Variants in GNG7 observed in about 807,000 individuals in gnomAD.
The protein encoded by GNG7 is G protein subunit gamma 7.
A neutral mutation model predicts 4.0 loss-of-function variants in GNG7; 1 was observed. The ratio of observed to expected loss-of-function variants is 0.25; its 90% CI spans 0.09 to 1.18. The LOEUF is 1.18. GNG7 is among the 50% of genes most tolerant of loss of function. The probability of loss-of-function intolerance (pLI) is 0.50; values close to 1 mark genes in which losing one functional copy is unlikely to be tolerated. For missense variants in GNG7, 86 were observed against 91.9 expected (o/e 0.94, Z 0.26); for synonymous variants, 34 against 36.9 (o/e 0.92, Z 0.29).
chr19:2,606,301 G>A (rs1278414999), intron 2 of GNG7, among the ~76,000 whole-genome samples: 1 of 152,102 alleles, frequency 6.6e-6, no homozygotes. Context: ...GAGCCCAGGA[G>A]TTGGAGGCTA....
chr19:2,519,146 C>CTTTT lies in GNG7; in HGVS notation c.81+1458_81+1461dup, dbSNP rs71178282. Among the ~76,000 whole-genome samples the CTTTT allele has an allele frequency of 5.3e-4, 45 of 84,530 alleles. 1 individual carries two copies. Among genetic ancestry groups the CTTTT allele is most frequent in the Non-Finnish European group, 6.6e-4 (30 of 45,538 alleles). 55.5% of individuals were successfully genotyped at this position (84,530 alleles called of 152,430 possible). On this transcript the variant is annotated intron_variant, in intron 4 of 4. Transcript: ENST00000382159. ...TGTGAAGGTTGTTTTTTTCTTGTTT[C>CTTTT]TTTTTTTTTTTTTTTTTTTTTTGAG...
At chr19:2,547,275 T>C (rs936886572) in intron 3 of GNG7, among the ~76,000 whole-genome samples, 1 of 151,990 alleles carries the variant, frequency 6.6e-6, no homozygotes, top group Non-Finnish European at 1.5e-5. Context: ...ATCTCACAGC[T>C]CTGGGCTCAG....
chr19:2,612,867 T>G (rs1981614146), intron 2 of GNG7, among the ~76,000 whole-genome samples: 1 of 152,036 alleles, frequency 6.6e-6, no homozygotes, highest in Non-Finnish European at 1.5e-5. Flanking sequence ...TAATTTTGTA[T>G]TTTTAGTAGA....
At chr19:2,538,961 CA>C (rs1470598715) in intron 3 of GNG7, among the ~76,000 whole-genome samples, 1 of 151,824 alleles carries the variant, frequency 6.6e-6, no homozygotes, top group Admixed American at 6.6e-5. Context: ...TTAGTAGAGA[CA>C]GGGTTTCACC....
chr19:2,521,527 C>T lies in GNG7; in HGVS notation c.-37-802G>A, dbSNP rs535373725. 1.2e-4 allele frequency among the ~76,000 whole-genome samples: 18 copies of T among 151,928 alleles called. No individual in the cohort carries two copies. The East Asian group carries it at 1.7e-3, about 15-fold the overall frequency. On this transcript the variant is annotated intron_variant, in intron 3 of 4. Coordinates refer to ENST00000382159, the MANE Select transcript of GNG7 (RefSeq NM_052847.3). ...GACGGCCCCACGCCAGGGAAGGATC[C>T]GAACGCGATATCCATAGTACCCAGG...
At position 2,626,894 on chromosome 19, in the gene GNG7, T is replaced by A. The variant is rs1982035302; in HGVS notation, c.-78+19330A>T. On this transcript the variant is annotated intron_variant, in intron 2 of 4. Coordinates refer to ENST00000382159, the MANE Select transcript of GNG7 (RefSeq NM_052847.3). The surrounding 1 kb of genome is among the most constrained non-coding windows in gnomAD (Gnocchi z 5.0). ...AGGACGGCCTCACCCCAGAGAACAG[T>A]CCAGTGTCAGTGTCCACAGTGCCCA... is the stretch of plus-strand genomic sequence containing the variant. Among the ~76,000 whole-genome samples the A allele has an allele frequency of 6.7e-6, 1 of 150,158 alleles. No homozygotes were observed. Among genetic ancestry groups the A allele is most frequent in the African/African-American group, 2.5e-5 (1 of 40,754 alleles).
At chr19:2,598,327 C>T (rs1015452492) in intron 2 of GNG7, among the ~76,000 whole-genome samples, 7 of 152,114 alleles carry the variant, frequency 4.6e-5, no homozygotes, top group Non-Finnish European at 1.0e-4. Flanking sequence ...AGTTCGAGAC[C>T]AGCCTGGCCA....
chr19:2,633,092 G>A lies in GNG7; in HGVS notation c.-78+13132C>T, dbSNP rs1982205162. ...TCCCCAGGCGGCACCGGGAGTGTCT[G>A]CGCAGAGATCCGAGGGTGTTAGCCT... On this transcript the variant is annotated intron_variant, in intron 2 of 4. Transcript: ENST00000382159. This position sits in a 1 kb window ranked among gnomAD's most constrained non-coding sequence, Gnocchi z 5.9. Among the ~76,000 whole-genome samples the A allele has an allele frequency of 1.3e-5, 2 of 152,250 alleles. No individual in the cohort carries two copies. The highest frequency in any genetic ancestry group is 2.1e-4 in the South Asian group (1 of 4,838).
rs926828031 is a variant in GNG7, at chr19:2,633,958, C to T, written c.-78+12266G>A. Among the ~76,000 whole-genome samples the T allele has an allele frequency of 6.6e-6, 1 of 151,978 alleles. No homozygotes were observed. The highest frequency in any genetic ancestry group is 2.4e-5 in the African/African-American group (1 of 41,390). On this transcript the variant is annotated intron_variant, in intron 2 of 4. Transcript: ENST00000382159. This position sits in a 1 kb window ranked among gnomAD's most constrained non-coding sequence, Gnocchi z 5.9. ...ATGTCTCCTGGGTGCAAAATTGCCC[C>T]GAGTTGAGACCCCCTGGGATAGGGG...
chr19:2,615,916 A>T (rs1432948788), intron 2 of GNG7, among the ~76,000 whole-genome samples: 1 of 152,212 alleles, frequency 6.6e-6, no homozygotes, highest in Non-Finnish European at 1.5e-5. Context: ...GACACAGTGA[A>T]GGGCCTCGGC....
intron 1 of GNG7, among the ~76,000 whole-genome samples, chr19:2,657,349 AAAAAAAAAAAAAATATATATATATATAT>A (rs1253048165): frequency 0.022 from 439 of 19,664 alleles, 51 homozygotes; most frequent in South Asian, 0.046. Context: ...AAAAAAAAAA[AAAAAAAAAAAAAATATATATATATATAT>A]ATATATATAT....
At chr19:2,565,153 C>T (rs111634606) in intron 2 of GNG7, among the ~76,000 whole-genome samples, 3,117 of 152,284 alleles carry the variant, frequency 0.02, 58 homozygotes, top group Admixed American at 0.032. Flanking sequence ...CGGGCTCAGA[C>T]TACATGGGGA....
intron 2 of GNG7, among the ~76,000 whole-genome samples, chr19:2,577,694 C>G (rs1436008993): frequency 1.7e-5 from 1 of 59,614 alleles, no homozygotes; most frequent in African/African-American, 8.3e-5. Flanking sequence ...GAGCAAGATT[C>G]CATCTCAAAA....
At chr19:2,636,556 G>C (rs1453368454) in intron 2 of GNG7, among the ~76,000 whole-genome samples, 1 of 152,126 alleles carries the variant, frequency 6.6e-6, no homozygotes, top group East Asian at 1.9e-4. Context: ...CTCTGCTCTG[G>C]AGACACCTCT....
chr19:2,523,007 G>A (rs1173386815), intron 3 of GNG7, among the ~76,000 whole-genome samples: 3 of 151,414 alleles, frequency 2.0e-5, no homozygotes, highest in Non-Finnish European at 4.4e-5. Context: ...TGGGATTACA[G>A]GTGCATGTGC....
chr19:2,698,260 A>G (rs1913317470), intron 1 of GNG7, among the ~76,000 whole-genome samples: 1 of 139,178 alleles, frequency 7.2e-6, no homozygotes, highest in Admixed American at 7.2e-5. Flanking sequence ...GAATGAGACC[A>G]TGTCTCAAAA....
intron 2 of GNG7, among the ~76,000 whole-genome samples, chr19:2,581,936 A>C (rs763880421): frequency 6.6e-6 from 1 of 152,220 alleles, no homozygotes; most frequent in Non-Finnish European, 1.5e-5. Context: ...TATAACCCTC[A>C]CTTTAAGCCA....
At chr19:2,547,080 C>CT (rs1979153881) in intron 3 of GNG7, among the ~76,000 whole-genome samples, 1 of 128,202 alleles carries the variant, frequency 7.8e-6, no homozygotes, top group African/African-American at 2.6e-5. Context: ...GCATGCCCCC[C>CT]CCCCAGAAAA....
At chr19:2,650,484 G>A (rs1982783029) in intron 1 of GNG7, among the ~76,000 whole-genome samples, 1 of 152,086 alleles carries the variant, frequency 6.6e-6, no homozygotes, top group Admixed American at 6.6e-5. Flanking sequence ...ATGATTCCCA[G>A]CCCTAGGAAT....
Sources: gnomAD v4.1 joint callset for allele counts (sites outside exome capture counted in the v4.1 genomes callset) on GRCh38, gnomAD v4.1.1 for gene constraint, Gnocchi (gnomAD v3.1) non-coding constraint, MANE v1.5 for transcripts, NCBI Gene and HGNC (gene_info 2026-07-23, HGNC 2026-07-21) for gene names.